CEP126: variants seen among roughly 807,000 people sequenced by gnomAD.
The protein encoded by CEP126 is centrosomal protein 126.
Under a neutral mutation model 107.8 loss-of-function variants are expected in CEP126, and 74 were observed. The ratio of observed to expected loss-of-function variants is 0.69; its 90% CI spans 0.57 to 0.83. The LOEUF is 0.83. Among genes scored for constraint, CEP126 ranks in the 40% least tolerant of loss-of-function variants. The pLI is 0.00. For missense variants in CEP126, 1,237 were observed against 1,281.9 expected (o/e 0.96, Z 0.53); for synonymous variants, 449 against 446.0 (o/e 1.01, Z -0.08).
At chr11:101,986,643 G>A (rs535122824) in intron 8 of CEP126, among the ~76,000 whole-genome samples, 189 bp from the exon 9 acceptor site, 4 of 152,084 alleles carry the variant, frequency 2.6e-5, no homozygotes, top group East Asian at 1.9e-4. Flanking sequence ...TTTAAAAAAC[G>A]AAGGATAGGA....
intron 2 of CEP126, among the ~76,000 whole-genome samples, chr11:101,927,401 C>T (rs1000614233): frequency 5.3e-5 from 8 of 152,088 alleles, no homozygotes; most frequent in African/African-American, 1.9e-4. Context: ...AGAGAGATTC[C>T]ATATACCTTT....
At chr11:101,924,100 T>G (rs1940372214) in intron 2 of CEP126, among the ~76,000 whole-genome samples, 2 of 152,202 alleles carry the variant, frequency 1.3e-5, no homozygotes, top group African/African-American at 4.8e-5. Flanking sequence ...TAAGAATTCT[T>G]ATGTAGAAAA....
intron 5 of CEP126, among the ~76,000 whole-genome samples, chr11:101,959,396 G>A (rs929082414): frequency 6.6e-6 from 1 of 151,916 alleles, no homozygotes; most frequent in Non-Finnish European, 1.5e-5. Flanking sequence ...CCCATGATCC[G>A]CCCGCCTCAG....
At chr11:101,917,873 C>G (rs1940252725) in intron 1 of CEP126, among the ~76,000 whole-genome samples, 1 of 152,100 alleles carries the variant, frequency 6.6e-6, no homozygotes, top group African/African-American at 2.4e-5. Flanking sequence ...AAAATGCTGT[C>G]AAAGAAAAAT....
chr11:101,947,981 C>A, intron 3 of CEP126, 50 bp from the exon 4 acceptor site: 1 of 824,198 alleles, frequency 1.2e-6, no homozygotes, highest in Non-Finnish European at 1.9e-6. Flanking sequence ...GTAAAGTGAC[C>A]ACTGAAGATA....
rs1491167740 is a variant in CEP126 at position 101,938,159 on chromosome 11, C to CAAAAAAAAAAAAAAAA, written c.249-6104_249-6089dup. ...TGGGCGACAGAGCGAGACTCTGTCT[C>CAAAAAAAAAAAAAAAA]AAAAAAAAAAAAAAAAATACAAGAA... On this transcript the variant is annotated intron_variant, in intron 2 of 10. Transcript: ENST00000263468. 8.4e-4 allele frequency among the ~76,000 whole-genome samples: 33 copies of CAAAAAAAAAAAAAAAA among 39,246 alleles called. 2 individuals carry two copies. The highest frequency in any genetic ancestry group is 1.7e-3 in the African/African-American group (18 of 10,814). The allele number at this position is 39,246 out of a possible 152,430, so 25.7% of individuals were successfully genotyped here.
chr11:101,968,053 CAAG>C (rs1211375483), intron 6 of CEP126, among the ~76,000 whole-genome samples: 1 of 152,122 alleles, frequency 6.6e-6, no homozygotes, highest in Non-Finnish European at 1.5e-5. Context: ...TAATACACAA[CAAG>C]GAGGATGCAG....
At position 101,956,865 on chromosome 11, in the gene CEP126, A is replaced by C. The variant is rs1591282200; in HGVS notation, c.507-1303A>C. The stretch of plus-strand genomic sequence containing the variant: ...TTCAATCCTCCTCATTGGGGGAAGA[A>C]AGTAGAGAAGAGAAGAGAAGAAAGT... On this transcript the variant is annotated intron_variant, in intron 4 of 10. Transcript: ENST00000263468. 3 of 377,646 alleles carry C rather than the reference A, an allele frequency of 7.9e-6. No homozygotes were observed. In the Admixed American group the frequency reaches 1.1e-4, roughly 14 times the overall value. The allele number at this position is 377,646 out of a possible 1,614,324, so 23.4% of individuals were successfully genotyped here.
chr11:101,917,515 C>G (rs1312604567), intron 1 of CEP126, among the ~76,000 whole-genome samples: 12 of 151,602 alleles, frequency 7.9e-5, no homozygotes, highest in African/African-American at 2.7e-4. Flanking sequence ...ACAACAAAAC[C>G]TTATGAAGTT....
intron 4 of CEP126, among the ~76,000 whole-genome samples, chr11:101,949,959 CA>C (rs1940787836): frequency 6.6e-6 from 1 of 152,152 alleles, no homozygotes; most frequent in African/African-American, 2.4e-5. Context: ...GAATAATTAT[CA>C]AAAACCTCTT....
chr11:101,962,709 G>A lies in CEP126; in HGVS notation c.1674G>A (p.Gln558=), dbSNP rs1431343033. The change falls in exon 6 of 11, where the codon CAG becomes CAA. Residue 558 remains glutamine (Q), a synonymous_variant. Coordinates refer to ENST00000263468, the MANE Select transcript of CEP126 (RefSeq NM_020802.4). ...NVTSNYDFVG[Q]HKKMKYNIHE... ...CTTCTAATTATGACTTTGTTGGCCA[G>A]CATAAGAAAATGAAATACAACATCC... 2 of 1,612,794 alleles carry A rather than the reference G, an allele frequency of 1.2e-6. No homozygotes were observed. Among genetic ancestry groups the A allele is most frequent in the African/African-American group, 2.7e-5 (2 of 74,848 alleles).
At chr11:101,983,617 A>G (rs1176333906) in intron 8 of CEP126, among the ~76,000 whole-genome samples, 1 of 152,250 alleles carries the variant, frequency 6.6e-6, no homozygotes, top group Admixed American at 6.5e-5. Flanking sequence ...ATTACAAAGC[A>G]GCAGAGAAAT....
intron 1 of CEP126, among the ~76,000 whole-genome samples, chr11:101,920,004 G>C (rs1316882927): frequency 6.6e-6 from 1 of 152,160 alleles, no homozygotes; most frequent in East Asian, 1.9e-4. Context: ...TGCTAGCAAA[G>C]AACCAAATTT....
At chr11:101,917,375 A>C (rs1940239499) in intron 1 of CEP126, among the ~76,000 whole-genome samples, 1 of 152,166 alleles carries the variant, frequency 6.6e-6, no homozygotes, top group Non-Finnish European at 1.5e-5. Context: ...ACAGCCTTAA[A>C]ATAAGCAAGT....
At position 101,962,268 on chromosome 11, in the gene CEP126, G is replaced by A. The variant is rs766951305; in HGVS notation, c.1233G>A (p.Glu411=). The A allele has an allele frequency of 1.9e-6, 3 of 1,613,844 alleles. No homozygotes were observed. The highest frequency in any genetic ancestry group is 2.5e-6 in the Non-Finnish European group (3 of 1,179,832). Reference sequence around the variant, plus strand: ...AAAGAGAGAGACCATTAGTTACTGAGAGCCCAACATTTAAATTTAGCAAAT... The same window carrying A: ...AAAGAGAGAGACCATTAGTTACTGAAAGCCCAACATTTAAATTTAGCAAAT... ...AFKRERPLVT[E]SPTFKFSKSQ... The change falls in exon 6 of 11, where the codon GAG becomes GAA. Residue 411 remains glutamate, a synonymous_variant. Transcript: ENST00000263468.
intron 4 of CEP126, among the ~76,000 whole-genome samples, chr11:101,950,796 A>G (rs1940802048): frequency 6.6e-6 from 1 of 152,202 alleles, no homozygotes; most frequent in Non-Finnish European, 1.5e-5. Flanking sequence ...TGATCTAGAA[A>G]TGTAGATTGT....
chr11:101,962,399 C>G lies in CEP126; in HGVS notation c.1364C>G (p.Ser455Ter), dbSNP rs1330899684. 1 of 1,613,960 alleles carries G rather than the reference C, an allele frequency of 6.2e-7. No homozygotes were observed. Reference protein sequence around the residue: ...QENGTTSIPTSCVPVATPLVL... With the variant: ...QENGTTSIPT ...AATGGAACTACTTCAATTCCTACTT[C>G]ATGTGTACCAGTGGCAACGCCTTTA... The change falls in exon 6 of 11, where the codon TCA becomes TGA. Residue 455 changes from serine to a stop codon, truncating the protein, a stop_gained. Transcript: ENST00000263468. LOFTEE classifies it high-confidence loss of function.
At chr11:101,976,386 A>T (rs1427174064) in intron 6 of CEP126, among the ~76,000 whole-genome samples, 1 of 152,176 alleles carries the variant, frequency 6.6e-6, no homozygotes, top group Non-Finnish European at 1.5e-5. Context: ...AGTGATGATA[A>T]TAGTGCCTAT....
chr11:101,949,269 T>C (rs1211059984), intron 4 of CEP126, among the ~76,000 whole-genome samples: 1 of 152,226 alleles, frequency 6.6e-6, no homozygotes, highest in African/African-American at 2.4e-5. Flanking sequence ...AAACTTTATC[T>C]TGAGAGTTTA....
Sources: allele counts gnomAD v4.1 joint callset (sites outside exome capture counted in the v4.1 genomes callset), GRCh38; gene constraint gnomAD v4.1.1; transcripts MANE v1.5; gene names NCBI Gene and HGNC (gene_info 2026-07-23, HGNC 2026-07-21).